The following EGR2 variants were observed in gnomAD, a reference collection of about 807,000 sequenced individuals.
EGR2 encodes E3 SUMO-protein ligase EGR2.
In EGR2, 2 loss-of-function variants were observed where a neutral mutation model predicts 21.2. The ratio of observed to expected loss-of-function variants is 0.09; its 90% CI spans 0.04 to 0.30. EGR2 has a LOEUF of 0.30. Among genes scored for constraint, EGR2 ranks in the 10% least tolerant of loss-of-function variants. The pLI is 1.00. For missense variants in EGR2, 458 were observed against 630.2 expected (o/e 0.73, Z 2.93); for synonymous variants, 282 against 258.2 (o/e 1.09, Z -0.88).
intron 1 of EGR2, among the ~76,000 whole-genome samples, chr10:62,815,618 C>T (rs1231735215): frequency 6.6e-6 from 1 of 152,236 alleles, no homozygotes; most frequent in East Asian, 1.9e-4. Flanking sequence ...TGCGCTCGCC[C>T]GGGGCTGGGC....
At position 62,814,972 on chromosome 10, in the gene EGR2, G is replaced by A. The variant is rs753128815; in HGVS notation, c.170-504C>T. On this transcript the variant is annotated intron_variant, in intron 1 of 1. Transcript: ENST00000242480. This position sits in a 1 kb window ranked among gnomAD's most constrained non-coding sequence, Gnocchi z 4.8. ...ATTTCCCGGCTGCTCCCCATCCCCGGCGCCTTGTGCCTTTTTCTCCCTCCC... is the reference window on the plus strand; with the variant it reads ...ATTTCCCGGCTGCTCCCCATCCCCGACGCCTTGTGCCTTTTTCTCCCTCCC... 1.3e-5 allele frequency among the ~76,000 whole-genome samples: 2 copies of A among 152,196 alleles called. No homozygotes were observed. The highest frequency in any genetic ancestry group is 2.9e-5 in the Non-Finnish European group (2 of 68,026).
upstream of EGR2, among the ~76,000 whole-genome samples, chr10:62,817,023 A>T (rs1842286882): frequency 6.6e-6 from 1 of 152,352 alleles, no homozygotes; most frequent in Non-Finnish European, 1.5e-5. This position sits in a 1 kb window ranked among gnomAD's most constrained non-coding sequence, Gnocchi z 4.4. Flanking sequence ...CTATTTATAC[A>T]GGAGCGAAAA....
At chr10:62,816,879 A>G (rs1842283938), upstream of EGR2, among the ~76,000 whole-genome samples, 1 of 151,992 alleles carries the variant, frequency 6.6e-6, no homozygotes, top group Non-Finnish European at 1.5e-5. Context: ...CAAAACCGCA[A>G]GCAAAAGGAG....
rs1479396729 is a variant in EGR2, at chr10:62,815,848, A to T, written c.169+13T>A. On this transcript the variant is annotated intron_variant, in intron 1 of 1. Coordinates refer to ENST00000242480, the MANE Select transcript of EGR2 (RefSeq NM_000399.5). The stretch of plus-strand genomic sequence containing the variant: ...GCCGCGCAGGTCCGGGCCTGCGAAG[A>T]CACGCGGCTTACCTCCGGCCACTCC... 1.2e-6 allele frequency: 2 copies of T among 1,613,832 alleles called. No homozygotes were observed. The highest frequency in any genetic ancestry group is 2.2e-5 in the South Asian group (2 of 91,082).
At position 62,813,957 on chromosome 10, in the gene EGR2, A is replaced by G. The variant is rs749981503; in HGVS notation, c.681T>C (p.Pro227=). The change falls in exon 2 of 2, where the codon CCT becomes CCC. Residue 227 remains proline, a synonymous_variant. Coordinates refer to ENST00000242480, the MANE Select transcript of EGR2 (RefSeq NM_000399.5). The surrounding 1 kb of genome is among the most constrained non-coding windows in gnomAD (Gnocchi z 5.7). The part of the protein sequence containing the change: ...PGLFPMIPDY[P]GFFPSQCQRD... ...TCTGGCACTGAGATGGAAAGAATCC[A>G]GGATAGTCTGGGATCATTGGGAAGA... 1.2e-6 allele frequency: 2 copies of G among 1,614,192 alleles called. No homozygotes were observed. The highest frequency in any genetic ancestry group is 1.1e-5 in the South Asian group (1 of 91,082).
chr10:62,818,749 C>A, upstream of EGR2: 1 of 388,136 alleles, frequency 2.6e-6, no homozygotes, highest in East Asian at 1.6e-4. Context: ...GAGGCACCCA[C>A]CGGCAGCAAG....
chr10:62,816,501 TCGGC>T, upstream of EGR2: 1 of 493,526 alleles, frequency 2.0e-6, no homozygotes, highest in South Asian at 6.1e-5. Context: ...ATACACGGGC[TCGGC>T]CGCGCGGACT....
At chr10:62,816,826 C>T (rs1842282786), upstream of EGR2, among the ~76,000 whole-genome samples, 1 of 152,014 alleles carries the variant, frequency 6.6e-6, no homozygotes, top group Non-Finnish European at 1.5e-5. Context: ...CCGAGCGGAG[C>T]CGAGACACTA....
chr10:62,815,043 TG>T (rs1842225181), intron 1 of EGR2, among the ~76,000 whole-genome samples: 1 of 152,220 alleles, frequency 6.6e-6, no homozygotes, highest in Non-Finnish European at 1.5e-5. Context: ...GAATGGGGGA[TG>T]TAGAGGAAGG....
intron 1 of EGR2, among the ~76,000 whole-genome samples, chr10:62,815,332 C>G (rs1842234297): frequency 6.6e-6 from 1 of 152,240 alleles, no homozygotes; most frequent in African/African-American, 2.4e-5. Flanking sequence ...CCCTCAACTT[C>G]GCGGGCGGCG....
chr10:62,816,960 A>G (rs910539126), upstream of EGR2, among the ~76,000 whole-genome samples: 1 of 152,192 alleles, frequency 6.6e-6, no homozygotes, highest in Non-Finnish European at 1.5e-5. Flanking sequence ...CTTGGTGGAA[A>G]GAAGTGGCTG....
chr10:62,818,873 C>G (rs868042640), upstream of EGR2, among the ~76,000 whole-genome samples: 1 of 151,988 alleles, frequency 6.6e-6, no homozygotes. Flanking sequence ...AACCCGCCGG[C>G]GGTCGCCGCG....
chr10:62,816,235 T>C lies in EGR2; in HGVS notation c.-206A>G. 1 of 1,444,194 alleles carries C rather than the reference T, an allele frequency of 6.9e-7. No individual in the cohort carries two copies. The highest frequency in any genetic ancestry group is 9.1e-7 in the Non-Finnish European group (1 of 1,100,826). The allele number at this position is 1,444,194 out of a possible 1,614,324, so 89.5% of individuals were successfully genotyped here. ...GCTGTTTTTTAAGAAATAAGAAAAA[T>C]GTCTATTTGCCACTGACTCTCTCCT... On this transcript the variant is annotated 5_prime_UTR_variant, in exon 1 of 2. Coordinates refer to ENST00000242480, the MANE Select transcript of EGR2 (RefSeq NM_000399.5).
At chr10:62,818,672 G>A, upstream of EGR2, 1 of 1,207,272 alleles carries the variant, frequency 8.3e-7, no homozygotes, top group Middle Eastern at 2.3e-4. Flanking sequence ...ACGGGGGAAA[G>A]CCGAATTATG....
Position 62,813,207 on chromosome 10 carries a change from T to A in EGR2, c.1431A>T (p.Ter477CysextTer63). 1 of 1,562,756 alleles carries A rather than the reference T, an allele frequency of 6.4e-7. No individual in the cohort carries two copies. The highest frequency in any genetic ancestry group is 8.6e-7 in the Non-Finnish European group (1 of 1,159,286). Reference sequence around the variant, plus strand: ...CTGGTGTATCAGCCTGAGTCTCATCTCAAGGTGTCCGGGTCCGAGAGGAGC... The same window carrying A: ...CTGGTGTATCAGCCTGAGTCTCATCACAAGGTGTCCGGGTCCGAGAGGAGC... ...APCSSRTRTP[*>C] The change falls in exon 2 of 2, where the codon TGA becomes TGT. Residue 477 changes from the stop codon to cysteine (C), a stop_lost. Coordinates refer to ENST00000242480, the MANE Select transcript of EGR2 (RefSeq NM_000399.5). This position sits in a 1 kb window ranked among gnomAD's most constrained non-coding sequence, Gnocchi z 5.7.
Position 62,815,864 on chromosome 10 carries a change from C to T in EGR2, c.166G>A (p.Gly56Arg), listed in dbSNP as rs377204675. 1.2e-6 allele frequency: 2 copies of T among 1,614,054 alleles called. No homozygotes were observed. The highest frequency in any genetic ancestry group is 1.7e-5 in the Admixed American group (1 of 60,036). ...CCTGCGAAGACACGCGGCTTACCTCCGGCCACTCCGTTCATCTGGTCAAAG... is the reference window on the plus strand; with the variant it reads ...CCTGCGAAGACACGCGGCTTACCTCTGGCCACTCCGTTCATCTGGTCAAAG... ...GPFDQMNGVA[G>R]DGMINIDMTG... The change falls in exon 1 of 2, where the codon GGA becomes AGA. Residue 56 changes from glycine (G) to arginine (R), a missense_variant. Gly to Arg is a moderately radical substitution (Grantham distance 125). This residue lies in a region of EGR2 where 91 missense variants were observed against 105.2 expected (regional missense o/e 0.87). Transcript: ENST00000242480.
chr10:62,815,223 G>A (rs897013170), intron 1 of EGR2, among the ~76,000 whole-genome samples: 3 of 152,216 alleles, frequency 2.0e-5, no homozygotes, highest in Non-Finnish European at 2.9e-5. Context: ...GCCCCCGCGG[G>A]CCTCCCTCGG....
rs780825035 is a variant in EGR2 at position 62,813,361 on chromosome 10, C to T, written c.1277G>A (p.Arg426Gln). The T allele has an allele frequency of 2.9e-5, 46 of 1,604,728 alleles. No individual in the cohort carries two copies. Among genetic ancestry groups the T allele is most frequent in the Non-Finnish European group, 3.5e-5 (41 of 1,173,600 alleles). The change falls in exon 2 of 2, where the codon CGG (arginine) becomes CAG (glutamine). Residue 426 changes from arginine (R) to glutamine (Q), a missense_variant. This residue lies in a region of EGR2 where 69 missense variants were observed against 70.4 expected (regional missense o/e 0.98). Transcript: ENST00000242480. This position sits in a 1 kb window ranked among gnomAD's most constrained non-coding sequence, Gnocchi z 5.7. ...HTKIHLRQKE[R>Q]KSSAPSASVP... ...CGATGCAGAGGGGGCACTGCTTTTC[C>T]GCTCTTTCTGTCTCAGGTGGATCTT...
chr10:62,814,382 T>C lies in EGR2; in HGVS notation c.256A>G (p.Arg86Gly). 6.2e-7 allele frequency: 1 copy of C among 1,614,146 alleles called. No individual in the cohort carries two copies. Among genetic ancestry groups the C allele is most frequent in the Non-Finnish European group, 8.5e-7 (1 of 1,180,020 alleles). The change falls in exon 2 of 2, where the codon AGA becomes GGA. Residue 86 changes from arginine (R) to glycine (G), a missense_variant. Arg to Gly is a moderately radical substitution (Grantham distance 125). Around this residue, in one of 5 missense-constraint regions of EGR2, gnomAD observed 6 missense variants for 25.4 expected, o/e 0.24. Coordinates refer to ENST00000242480, the MANE Select transcript of EGR2 (RefSeq NM_000399.5). This position sits in a 1 kb window ranked among gnomAD's most constrained non-coding sequence, Gnocchi z 4.8. ...CCCATGTAAGTGAAGGTCTGGTTTC[T>C]AGGTGCAGAGACGGGAGCAAAGCTG... ...PSSFAPVSAP[R>G]NQTFTYMGKF...
Sources: allele counts gnomAD v4.1 joint callset (sites outside exome capture counted in the v4.1 genomes callset), GRCh38; gene constraint gnomAD v4.1.1; regional missense constraint gnomAD v4.1.1; non-coding constraint Gnocchi (gnomAD v3.1); transcripts MANE v1.5; gene names NCBI Gene and HGNC (gene_info 2026-07-23, HGNC 2026-07-21).